HORMAD2: variants seen among roughly 807,000 people sequenced by gnomAD.
HORMAD2 encodes HORMA domain containing 2.
In HORMAD2, 45 loss-of-function variants were observed where a neutral mutation model predicts 38.8. That is an observed-to-expected ratio of 1.16 (90% CI 0.91 to 1.49). HORMAD2 has a LOEUF of 1.49. Among genes scored for constraint, HORMAD2 ranks in the 40% most tolerant of loss-of-function variants. HORMAD2 has a pLI of 0.00. For missense variants in HORMAD2, 338 were observed against 367.0 expected (o/e 0.92, Z 0.65); for synonymous variants, 126 against 122.8 (o/e 1.03, Z -0.17).
chr22:30,087,632 G>A (rs1001289156), intron 1 of HORMAD2, among the ~76,000 whole-genome samples: 6 of 151,766 alleles, frequency 4.0e-5, no homozygotes, highest in Non-Finnish European at 7.4e-5. Flanking sequence ...CCTGACTTTT[G>A]AGGAGGCCTC....
intron 6 of HORMAD2, 134 bp from the exon 7 acceptor site, chr22:30,112,362 C>T (rs1569092496): frequency 3.4e-6 from 2 of 589,084 alleles, no homozygotes; most frequent in South Asian, 2.1e-5. Flanking sequence ...TAAGCATATC[C>T]TATCTCTAGC....
chr22:30,098,934 G>A lies in HORMAD2; in HGVS notation c.134G>A (p.Cys45Tyr), dbSNP rs1466861622. ...VKKLFATSIS[C>Y]ITYLRGLFPE... ...AAACTTTTTGCTACTTCCATCTCAT[G>A]TATAACATACCTAAGGGGCCTGTTT... Residue 45 changes from cysteine (C) to tyrosine (Y), a missense_variant, in exon 3 of 11, where the codon TGT becomes TAT. Physicochemically the swap from Cys to Tyr is radical, Grantham distance 194 (BLOSUM62 -2). Coordinates refer to ENST00000336726, the MANE Select transcript of HORMAD2 (RefSeq NM_152510.4). 4.3e-6 allele frequency: 7 copies of A among 1,613,162 alleles called. No individual in the cohort carries two copies. Among genetic ancestry groups the A allele is most frequent in the Middle Eastern group, 3.3e-4 (2 of 6,082 alleles).
intron 5 of HORMAD2, among the ~76,000 whole-genome samples, chr22:30,107,242 C>A (rs969055332): frequency 2.6e-5 from 4 of 152,094 alleles, no homozygotes; most frequent in Non-Finnish European, 5.9e-5. Context: ...GTATAATGTA[C>A]AAAGAGTATC....
At chr22:30,181,450 C>T (rs1024141416), downstream of HORMAD2, among the ~76,000 whole-genome samples, 3 of 152,166 alleles carry the variant, frequency 2.0e-5, no homozygotes, top group Non-Finnish European at 4.4e-5. Context: ...TAAATCGAAA[C>T]TCCCTTTCCA....
the HORMAD2 span, among the ~76,000 whole-genome samples, chr22:30,186,912 G>C: frequency 1.3e-5 from 2 of 151,136 alleles, no homozygotes; most frequent in Non-Finnish European, 2.9e-5. Flanking sequence ...GGTTGGGGGT[G>C]GGGGGGTCAT....
At chr22:30,173,723 T>C (rs1166128171) in intron 10 of HORMAD2, among the ~76,000 whole-genome samples, 2 of 152,218 alleles carry the variant, frequency 1.3e-5, no homozygotes, top group Non-Finnish European at 2.9e-5. Flanking sequence ...TCTTTGCTTA[T>C]GAATGGTAAT....
the HORMAD2 span, among the ~76,000 whole-genome samples, chr22:30,182,259 A>G: frequency 6.6e-6 from 1 of 152,234 alleles, no homozygotes; most frequent in South Asian, 2.1e-4. Flanking sequence ...GTGAGAGCTC[A>G]ATGAGTTAAT....
chr22:30,086,473 G>A (rs1046374372), intron 1 of HORMAD2, among the ~76,000 whole-genome samples: 3 of 152,076 alleles, frequency 2.0e-5, no homozygotes, highest in African/African-American at 7.2e-5. Context: ...AAGAATAGCT[G>A]GTAAATAAAA....
At chr22:30,205,254 G>A in the HORMAD2 span, among the ~76,000 whole-genome samples, 45,198 of 151,828 alleles carry the variant, frequency 0.3, 8,004 homozygotes, top group Middle Eastern at 0.44. Flanking sequence ...CTAAGGTCAC[G>A]GAGCCAGCAA....
chr22:30,090,267 G>A (rs1252259861), intron 1 of HORMAD2, among the ~76,000 whole-genome samples: 1 of 152,184 alleles, frequency 6.6e-6, no homozygotes, highest in East Asian at 1.9e-4. Context: ...AGAGGCTGAG[G>A]TGGGAGAATC....
At chr22:30,191,545 CT>C in the HORMAD2 span, among the ~76,000 whole-genome samples, 1 of 152,104 alleles carries the variant, frequency 6.6e-6, no homozygotes, top group Non-Finnish European at 1.5e-5. Flanking sequence ...ATAGAGCTAA[CT>C]TTTTCCTCTC....
chr22:30,191,892 T>C, the HORMAD2 span, among the ~76,000 whole-genome samples: 1 of 152,220 alleles, frequency 6.6e-6, no homozygotes, highest in South Asian at 2.1e-4. Context: ...TTTTCCAGAA[T>C]TTTATATTAA....
chr22:30,135,879 A>C (rs1923616918), intron 10 of HORMAD2, among the ~76,000 whole-genome samples: 1 of 152,250 alleles, frequency 6.6e-6, no homozygotes, highest in African/African-American at 2.4e-5. Flanking sequence ...CAACAATGTA[A>C]CATTCTTATT....
intron 8 of HORMAD2, among the ~76,000 whole-genome samples, chr22:30,119,477 T>C (rs543397983): frequency 2.5e-4 from 38 of 152,336 alleles, no homozygotes; most frequent in African/African-American, 8.2e-4. Flanking sequence ...CAGTATGTCA[T>C]ATAAATATCA....
chr22:30,082,336 G>A (rs549873075), intron 1 of HORMAD2, among the ~76,000 whole-genome samples: 1 of 152,236 alleles, frequency 6.6e-6, no homozygotes, highest in South Asian at 2.1e-4. Context: ...GATTATATTT[G>A]GGAAAATGTA....
chr22:30,113,005 A>C (rs1921775896), intron 7 of HORMAD2, among the ~76,000 whole-genome samples: 2 of 152,058 alleles, frequency 1.3e-5, no homozygotes, highest in African/African-American at 4.8e-5. Flanking sequence ...GTGTTTTTAT[A>C]GATTTTCAGA....
At chr22:30,152,686 A>G (rs958845951) in intron 10 of HORMAD2, among the ~76,000 whole-genome samples, 2 of 152,084 alleles carry the variant, frequency 1.3e-5, no homozygotes, top group African/African-American at 2.4e-5. Flanking sequence ...TCTTATTTCT[A>G]TGATATACTT....
At chr22:30,187,382 CTG>C in the HORMAD2 span, among the ~76,000 whole-genome samples, 9 of 152,172 alleles carry the variant, frequency 5.9e-5, no homozygotes, top group Non-Finnish European at 1.0e-4. Flanking sequence ...ACTCCAAAGT[CTG>C]TGCTTTTAAC....
intron 5 of HORMAD2, chr22:30,105,015 A>G (rs1921078812): frequency 6.5e-6 from 1 of 153,464 alleles, no homozygotes; most frequent in Non-Finnish European, 1.5e-5. Context: ...GACAAGATGT[A>G]TATAAATGAA....
Sources: allele counts gnomAD v4.1 joint callset (sites outside exome capture counted in the v4.1 genomes callset), GRCh38; gene constraint gnomAD v4.1.1; transcripts MANE v1.5; gene names NCBI Gene and HGNC (gene_info 2026-07-23, HGNC 2026-07-21).